TRABD2A: variants seen among roughly 807,000 people sequenced by gnomAD.
The protein encoded by TRABD2A is TraB domain containing 2A.
TRABD2A carries 43 observed loss-of-function variants against 45.6 expected under a neutral mutation model. The observed-to-expected ratio is 0.94, with a 90% confidence interval of 0.74 to 1.22. The LOEUF is 1.22. Ranked by LOEUF, TRABD2A falls within the 50% of genes most tolerant of loss-of-function variation. The pLI, the probability that TRABD2A is intolerant of heterozygous loss-of-function variation, is 0.00. For synonymous variants in TRABD2A, 269 were observed against 265.0 expected (o/e 1.02, Z -0.15); for missense variants, 642 against 652.4 (o/e 0.98, Z 0.17).
At chr2:84,841,036 C>A (rs1368342002) in intron 3 of TRABD2A, among the ~76,000 whole-genome samples, 1 of 152,188 alleles carries the variant, frequency 6.6e-6, no homozygotes, top group African/African-American at 2.4e-5. Context: ...ATCACCCACA[C>A]CCACTAGCTC....
intron 2 of TRABD2A, among the ~76,000 whole-genome samples, chr2:84,846,784 C>A (rs2105386440): frequency 6.6e-6 from 1 of 152,324 alleles, no homozygotes; most frequent in African/African-American, 2.4e-5. Context: ...GAGAAAGACC[C>A]AAGACGGATT....
At chr2:84,833,339 T>G (rs948647482) in intron 4 of TRABD2A, 4 of 151,950 alleles carry the variant, frequency 2.6e-5, no homozygotes, top group African/African-American at 9.7e-5. Flanking sequence ...GACACCTAAA[T>G]AAGAAAAAAA....
intron 2 of TRABD2A, among the ~76,000 whole-genome samples, chr2:84,848,401 GACAGAC>G (rs1290225261): frequency 7.5e-5 from 11 of 147,362 alleles, no homozygotes; most frequent in Non-Finnish European, 1.6e-4. Context: ...CAGACAGACA[GACAGAC>G]AGACAGATAG....
intron 1 of TRABD2A, among the ~76,000 whole-genome samples, chr2:84,871,552 G>T (rs1392595877): frequency 1.3e-5 from 2 of 151,866 alleles, no homozygotes; most frequent in Non-Finnish European, 2.9e-5. Context: ...CGCAATCCTG[G>T]CTCACTTCAC....
At chr2:84,831,544 A>AG (rs1681337815) in intron 5 of TRABD2A, among the ~76,000 whole-genome samples, 2 of 151,668 alleles carry the variant, frequency 1.3e-5, no homozygotes, top group Admixed American at 6.6e-5. Flanking sequence ...AAAAAAAAAA[A>AG]AGAGAGAGAA....
At chr2:84,865,321 A>G (rs1236124455) in intron 2 of TRABD2A, among the ~76,000 whole-genome samples, 1 of 152,256 alleles carries the variant, frequency 6.6e-6, no homozygotes, top group African/African-American at 2.4e-5. Context: ...ACAGCCAAAA[A>G]GGCAAATATG....
rs1226249528 is a variant in TRABD2A at position 84,830,697 on chromosome 2, A to G, written c.1082+1358T>C. ...TCTGTGAAGGGCGGTCAGTATTGACATACTGAATACAGGGCATGAAGACAG... is the reference window on the plus strand; with the variant it reads ...TCTGTGAAGGGCGGTCAGTATTGACGTACTGAATACAGGGCATGAAGACAG... On this transcript the variant is annotated intron_variant, in intron 5 of 6. Coordinates refer to ENST00000409520, the MANE Select transcript of TRABD2A (RefSeq NM_001277053.2). This position sits in a 1 kb window ranked among gnomAD's most constrained non-coding sequence, Gnocchi z 4.9. Among the ~76,000 whole-genome samples, 1 of 152,200 alleles carries G rather than the reference A, an allele frequency of 6.6e-6. No homozygotes were observed. Among genetic ancestry groups the G allele is most frequent in the African/African-American group, 2.4e-5 (1 of 41,460 alleles).
At chr2:84,874,493 A>G (rs72836498) in intron 1 of TRABD2A, among the ~76,000 whole-genome samples, 1,634 of 152,322 alleles carry the variant, frequency 0.011, 16 homozygotes, top group Non-Finnish European at 0.016. Context: ...GTTGGTGCCA[A>G]TTGCTGTGGA....
Position 84,870,738 on chromosome 2 carries a change from T to C in TRABD2A, c.156A>G (p.Pro52=), listed in dbSNP as rs1291163124. ...CATGGATTGTGCCAAAGAAGTAAGA[T>C]GGTGGGTCTCGCTTAATGGTCCACA... ...SFLWTIKRDP[P]SYFFGTIHVP... Residue 52 remains proline (P), a synonymous_variant, in exon 2 of 7, where the codon CCA becomes CCG. Coordinates refer to ENST00000409520, the MANE Select transcript of TRABD2A (RefSeq NM_001277053.2). 1 of 1,599,652 alleles carries C rather than the reference T, an allele frequency of 6.3e-7. No individual in the cohort carries two copies. The highest frequency in any genetic ancestry group is 1.1e-5 in the South Asian group (1 of 88,334).
At chr2:84,859,008 C>G (rs1682406892) in intron 2 of TRABD2A, among the ~76,000 whole-genome samples, 1 of 152,206 alleles carries the variant, frequency 6.6e-6, no homozygotes, top group South Asian at 2.1e-4. Context: ...GATTCAAAAA[C>G]TACCCCTCAC....
intron 4 of TRABD2A, 94 bp from the exon 5 acceptor site, chr2:84,832,239 C>A (rs776253400): frequency 2.3e-5 from 29 of 1,287,122 alleles, no homozygotes; most frequent in Non-Finnish European, 3.2e-5. Flanking sequence ...AATTACCCTG[C>A]CAAGCCCCCT....
At chr2:84,832,009 T>C (rs1219569011) in intron 5 of TRABD2A, 46 bp downstream of exon 5, 10 of 1,605,938 alleles carry the variant, frequency 6.2e-6, no homozygotes, top group Non-Finnish European at 8.5e-6. Flanking sequence ...GGCAGCCCCA[T>C]GAGGGTCTCA....
intron 2 of TRABD2A, among the ~76,000 whole-genome samples, chr2:84,850,107 G>A (rs1450948618): frequency 2.0e-5 from 3 of 152,062 alleles, no homozygotes; most frequent in African/African-American, 7.2e-5. Flanking sequence ...ACCTCCAACG[G>A]GTTCTCTTGA....
At chr2:84,835,513 A>G (rs1681473712) in intron 4 of TRABD2A, 1 of 152,142 alleles carries the variant, frequency 6.6e-6, no homozygotes, top group South Asian at 2.1e-4. Flanking sequence ...TCCAGGGCTC[A>G]AGTGATCCTC....
intron 6 of TRABD2A, among the ~76,000 whole-genome samples, chr2:84,823,464 G>C (rs1299916726): frequency 6.6e-6 from 1 of 152,150 alleles, no homozygotes; most frequent in Non-Finnish European, 1.5e-5. Flanking sequence ...CAGAAGCCTT[G>C]TGCCCTGCAG....
At chr2:84,873,140 G>T (rs1025672949) in intron 1 of TRABD2A, among the ~76,000 whole-genome samples, 4 of 145,040 alleles carry the variant, frequency 2.8e-5, no homozygotes, top group Admixed American at 2.1e-4. Flanking sequence ...AAAAATTTAG[G>T]CCGAGCGCAG....
chr2:84,861,871 G>A (rs1682511342), intron 2 of TRABD2A, among the ~76,000 whole-genome samples: 1 of 152,234 alleles, frequency 6.6e-6, no homozygotes, highest in Admixed American at 6.5e-5. Flanking sequence ...GGTCTCTCCT[G>A]TTAGGATTCC....
At chr2:84,865,616 T>C (rs1682650897) in intron 2 of TRABD2A, among the ~76,000 whole-genome samples, 1 of 152,170 alleles carries the variant, frequency 6.6e-6, no homozygotes, top group Non-Finnish European at 1.5e-5. Flanking sequence ...AAGGACAGAT[T>C]CCATGCTGAG....
intron 2 of TRABD2A, among the ~76,000 whole-genome samples, chr2:84,863,101 C>G (rs979447806): frequency 1.3e-5 from 2 of 152,050 alleles, no homozygotes; most frequent in African/African-American, 4.8e-5. Context: ...CCCAGGGTAC[C>G]GACAGTAACT....
Sources: allele counts gnomAD v4.1 joint callset (sites outside exome capture counted in the v4.1 genomes callset), GRCh38; gene constraint gnomAD v4.1.1; non-coding constraint Gnocchi (gnomAD v3.1); transcripts MANE v1.5; gene names NCBI Gene and HGNC (gene_info 2026-07-23, HGNC 2026-07-21).